DMD: variants seen among roughly 807,000 people sequenced by gnomAD.
DMD encodes the protein dystrophin.
Under a neutral mutation model 330.1 loss-of-function variants are expected in DMD, and 63 were observed. The observed-to-expected ratio is 0.19, with a 90% CI of 0.16 to 0.24. The LOEUF is 0.24. Ranked by LOEUF, DMD falls within the 10% of genes least tolerant of loss-of-function variation. DMD has a pLI of 1.00. For synonymous variants in DMD, 1,223 were observed against 959.8 expected (o/e 1.27, Z -5.07); for missense variants, 3,344 against 2,684.1 (o/e 1.25, Z -5.43).
At chrX:33,011,430 A>T in intron 2 of DMD, among the ~76,000 whole-genome samples, 1 of 112,083 alleles carries the variant, frequency 8.9e-6, no homozygotes, top group Non-Finnish European at 1.9e-5. Context: ...CTTTCTTGAA[A>T]TTGTCTCTGC....
At chrX:31,215,504 A>C (rs935184097) in intron 64 of DMD, among the ~76,000 whole-genome samples, 1 of 111,577 alleles carries the variant, frequency 9.0e-6, no homozygotes, top group Admixed American at 9.5e-5. Flanking sequence ...GCTTTTGGTT[A>C]GTATTCGTTA....
intron 42 of DMD, among the ~76,000 whole-genome samples, chrX:32,290,626 G>A (rs1214245581): frequency 1.8e-5 from 2 of 111,987 alleles, no homozygotes; most frequent in East Asian, 2.8e-4. Context: ...TTCCTAGTAC[G>A]AATTTTGTTA....
At chrX:32,921,539 G>C (rs1327420900) in intron 2 of DMD, among the ~76,000 whole-genome samples, 1 of 111,261 alleles carries the variant, frequency 9.0e-6, no homozygotes, top group African/African-American at 3.3e-5. Flanking sequence ...TGATATACGT[G>C]GCCATGTGTA....
chrX:31,695,324 A>T (rs748865636), intron 52 of DMD, among the ~76,000 whole-genome samples: 95 of 111,026 alleles, frequency 8.6e-4, no homozygotes, highest in Non-Finnish European at 1.7e-4. Flanking sequence ...GCTACAAAAA[A>T]TAGTTAGAAA....
chrX:31,902,797 G>A (rs2094438701), intron 47 of DMD, among the ~76,000 whole-genome samples: 1 of 111,248 alleles, frequency 9.0e-6, no homozygotes, highest in Admixed American at 9.6e-5. Context: ...TTTGATACTG[G>A]GTGTGTAAAA....
intron 4 of DMD, among the ~76,000 whole-genome samples, chrX:32,834,867 T>TA (rs1286529081): frequency 9.0e-6 from 1 of 111,236 alleles, no homozygotes; most frequent in Non-Finnish European, 1.9e-5. Context: ...TGAATCTTTA[T>TA]AAAAGGGATC....
chrX:32,491,545 A>T (rs1170005010), intron 19 of DMD, 27 bp from the exon 20 acceptor site: 19 of 1,186,208 alleles, frequency 1.6e-5, no homozygotes, highest in Non-Finnish European at 2.0e-5. Context: ...AATTAAATAT[A>T]TCCCCTGAAC....
chrX:32,085,605 T>TGTATATATATAC (rs1557121331), intron 44 of DMD, among the ~76,000 whole-genome samples: 21 of 96,976 alleles, frequency 2.2e-4, no homozygotes, highest in South Asian at 1.3e-3. Context: ...TGTATATATG[T>TGTATATATATAC]GTATATATAT....
At chrX:32,665,837 TC>T (rs1374787724) in intron 9 of DMD, among the ~76,000 whole-genome samples, 1 of 111,779 alleles carries the variant, frequency 8.9e-6, no homozygotes, top group Non-Finnish European at 1.9e-5. Context: ...TTCCCGGTAA[TC>T]TTTTGGGGGA....
At chrX:32,628,934 T>C (rs1273777733) in intron 11 of DMD, among the ~76,000 whole-genome samples, 7 of 112,355 alleles carry the variant, frequency 6.2e-5, no homozygotes, top group Admixed American at 2.8e-4. Flanking sequence ...TGGCAGAACA[T>C]ATGGCTTGTC....
At chrX:31,452,053 T>C (rs1309084035) in intron 59 of DMD, among the ~76,000 whole-genome samples, 1 of 109,569 alleles carries the variant, frequency 9.1e-6, no homozygotes, top group Non-Finnish European at 1.9e-5. Context: ...ATGGCCTAGA[T>C]TTAGCATAAT....
chrX:33,163,469 G>A (rs2048872349), intron 1 of DMD, among the ~76,000 whole-genome samples: 1 of 108,592 alleles, frequency 9.2e-6, no homozygotes, highest in Non-Finnish European at 1.9e-5. Flanking sequence ...CCAGGAGGCG[G>A]AGGTTGCAGT....
intron 1 of DMD, among the ~76,000 whole-genome samples, chrX:33,120,895 A>G (rs1355650666): frequency 2.8e-5 from 3 of 107,614 alleles, no homozygotes; most frequent in Non-Finnish European, 3.8e-5. Flanking sequence ...AAAAAAAAAA[A>G]AAAAAAAAAA....
chrX:32,282,698 T>C (rs923020268), intron 43 of DMD, among the ~76,000 whole-genome samples: 6 of 112,275 alleles, frequency 5.3e-5, no homozygotes, highest in Non-Finnish European at 1.1e-4. Context: ...TAAAGCGTAA[T>C]GTCTGTTTTA....
intron 1 of DMD, among the ~76,000 whole-genome samples, chrX:33,028,506 T>G (rs1363433113): frequency 8.9e-6 from 1 of 112,090 alleles, no homozygotes; most frequent in Admixed American, 9.5e-5. Flanking sequence ...GTCACCCATA[T>G]CCCAAACCTT....
chrX:31,727,343 G>C lies in DMD; in HGVS notation c.7660+2288C>G, dbSNP rs550068669. ...ACCCTCAAGGTTCCAGTATGGTGGA[G>C]GAATGCTCTGCTAAATCAATTGTAT... is the stretch of plus-strand genomic sequence containing the variant. On this transcript the variant is annotated intron_variant, in intron 52 of 78. Coordinates refer to ENST00000357033, the MANE Select transcript of DMD (RefSeq NM_004006.3). Among the ~76,000 whole-genome samples, 11 of 111,679 alleles carry C rather than the reference G, an allele frequency of 9.8e-5. No homozygotes were observed. In the South Asian group the frequency reaches 4.1e-3, roughly 42 times the overall value.
At chrX:32,585,510 G>T (rs1017119731) in intron 13 of DMD, among the ~76,000 whole-genome samples, 199 of 108,162 alleles carry the variant, frequency 1.8e-3, no homozygotes, top group African/African-American at 6.0e-3. Context: ...GACCAACCTG[G>T]CTAACACAGT....
chrX:31,916,111 G>A (rs753417939), intron 47 of DMD, among the ~76,000 whole-genome samples: 1 of 111,584 alleles, frequency 9.0e-6, no homozygotes, highest in East Asian at 2.8e-4. Context: ...AGCGCTTGCC[G>A]AAGGATGAGA....
intron 4 of DMD, among the ~76,000 whole-genome samples, chrX:32,840,394 T>C (rs1203464902): frequency 8.9e-6 from 1 of 111,895 alleles, no homozygotes; most frequent in Non-Finnish European, 1.9e-5. Context: ...GATTTCTATA[T>C]ATGGCCCGTG....
Sources: allele counts gnomAD v4.1 joint callset (sites outside exome capture counted in the v4.1 genomes callset), GRCh38; gene constraint gnomAD v4.1.1; transcripts MANE v1.5; gene names NCBI Gene and HGNC (gene_info 2026-07-23, HGNC 2026-07-21).